The following RALY variants were observed in gnomAD, a reference collection of about 807,000 sequenced individuals.
RALY encodes RALY heterogeneous nuclear ribonucleoprotein.
RALY carries 15 observed loss-of-function variants against 30.7 expected under a neutral mutation model. That is an observed-to-expected ratio of 0.49 (90% CI 0.33 to 0.75). The LOEUF (loss-of-function observed/expected upper bound fraction) is 0.75. Among genes scored for constraint, RALY ranks in the 30% least tolerant of loss-of-function variants. The pLI is 0.02. For missense variants in RALY, 339 were observed against 414.3 expected (o/e 0.82, Z 1.58); for synonymous variants, 177 against 170.8 (o/e 1.04, Z -0.28).
In RALY at chr20:34,081,618, C is replaced by T. The variant is rs2034031503; in HGVS notation, c.*1713C>T. On this transcript the variant is annotated 3_prime_UTR_variant, in exon 10 of 10. Coordinates refer to ENST00000246194, the MANE Select transcript of RALY (RefSeq NM_016732.3). ...AGGGAAGCTTCCTCCTGGGCTTTGG[C>T]TCCATGTTTTGGTAGAGGGTGGAGG... 6.6e-6 allele frequency: 1 copy of T among 152,266 alleles called. No homozygotes were observed. Among genetic ancestry groups the T allele is most frequent in the Non-Finnish European group, 1.5e-5 (1 of 68,084 alleles). 9.4% of individuals were successfully genotyped at this position (152,266 alleles called of 1,614,324 possible).
chr20:34,048,174 A>G (rs1322942245), intron 2 of RALY, among the ~76,000 whole-genome samples: 1 of 152,180 alleles, frequency 6.6e-6, no homozygotes, highest in Non-Finnish European at 1.5e-5. Flanking sequence ...GAAGGAAAAG[A>G]TTCATTAGGC....
At position 34,025,908 on chromosome 20, in the gene RALY, T is replaced by G. The variant is rs1309185061; in HGVS notation, c.-92-5614T>G. 2.1e-5 allele frequency among the ~76,000 whole-genome samples: 3 copies of G among 142,978 alleles called. No individual in the cohort carries two copies. The East Asian group carries it at 5.9e-4, about 28-fold the overall frequency. The allele number at this position is 142,978 out of a possible 152,430, so 93.8% of individuals were successfully genotyped here. On this transcript the variant is annotated intron_variant, in intron 1 of 9. Coordinates refer to ENST00000246194, the MANE Select transcript of RALY (RefSeq NM_016732.3). ...CAGTAGATTCCTGGTTGTTTTTTTT[T>G]TTTTTTTTTTTTTGTGGGGGGTGGG...
intron 1 of RALY, chr20:34,015,137 T>C (rs2031554516): frequency 6.6e-6 from 1 of 152,064 alleles, no homozygotes; most frequent in Non-Finnish European, 1.5e-5. Context: ...GGAGTAAAAG[T>C]AATGAGGAAG....
intron 1 of RALY, among the ~76,000 whole-genome samples, chr20:34,000,404 C>T (rs927150684): frequency 2.0e-5 from 3 of 152,086 alleles, no homozygotes; most frequent in Admixed American, 6.5e-5. Flanking sequence ...GGTTGGAGGT[C>T]CCTGTCTCTC....
intron 1 of RALY, among the ~76,000 whole-genome samples, chr20:34,008,485 A>C (rs887395846): frequency 6.6e-6 from 1 of 152,234 alleles, no homozygotes. Flanking sequence ...TATTCCATTT[A>C]GGGGAACCAA....
chr20:33,997,758 A>C (rs1479341387), intron 1 of RALY, among the ~76,000 whole-genome samples: 12 of 152,110 alleles, frequency 7.9e-5, no homozygotes, highest in Admixed American at 7.9e-4. Context: ...GTGTTGGTCC[A>C]TTTAGGGGAG....
intron 1 of RALY, among the ~76,000 whole-genome samples, chr20:34,004,949 A>T (rs2031092960): frequency 6.6e-6 from 1 of 152,212 alleles, no homozygotes. Context: ...GGTTGGCATG[A>T]ACATTGATCA....
At position 34,048,799 on chromosome 20, in the gene RALY, T is replaced by C. The variant is rs6059648; in HGVS notation, c.-10+17195T>C. ...TGAACCCTGGAGGCAGAGCTTGCAG[T>C]GAGCCGAGATCGCACCACTGCACTC... is the stretch of plus-strand genomic sequence containing the variant. On this transcript the variant is annotated intron_variant, in intron 2 of 9. Transcript: ENST00000246194. Among the ~76,000 whole-genome samples the C allele has an allele frequency of 7.4e-3, 1,032 of 139,134 alleles. 12 individuals are homozygous for C. The highest frequency in any genetic ancestry group is 0.025 in the African/African-American group (931 of 37,444). The allele number at this position is 139,134 out of a possible 152,430, so 91.3% of individuals were successfully genotyped here.
intron 1 of RALY, among the ~76,000 whole-genome samples, chr20:34,012,424 C>T (rs2123021061): frequency 6.8e-6 from 1 of 147,078 alleles, no homozygotes; most frequent in African/African-American, 2.5e-5. Context: ...AGATCTATCC[C>T]TCGTTGTGCC....
At chr20:34,037,141 A>G (rs541214590) in intron 2 of RALY, among the ~76,000 whole-genome samples, 3 of 152,188 alleles carry the variant, frequency 2.0e-5, no homozygotes. Context: ...AGAAGTATCA[A>G]ACTTCAGAGG....
intron 2 of RALY, among the ~76,000 whole-genome samples, chr20:34,054,331 G>A (rs908236656): frequency 6.6e-6 from 1 of 152,214 alleles, no homozygotes; most frequent in African/African-American, 2.4e-5. Context: ...TTAATGGAGG[G>A]AGACAGATGT....
chr20:34,052,890 C>T (rs955583758), intron 2 of RALY, among the ~76,000 whole-genome samples: 4 of 152,166 alleles, frequency 2.6e-5, no homozygotes, highest in Admixed American at 6.5e-5. Flanking sequence ...GCTCCTCTGT[C>T]ACCGTCTCCA....
intron 2 of RALY, among the ~76,000 whole-genome samples, chr20:34,059,755 A>C (rs2033360641): frequency 6.6e-6 from 1 of 152,228 alleles, no homozygotes; most frequent in Non-Finnish European, 1.5e-5. Context: ...CTACCACGGC[A>C]CAGCCTTCTG....
At chr20:34,076,985 A>G (rs1475278684) in intron 7 of RALY, 43 bp from the exon 8 acceptor site, 1 of 1,609,954 alleles carries the variant, frequency 6.2e-7, no homozygotes, top group African/African-American at 1.3e-5. Context: ...CAGCTACCCC[A>G]GGCTGAGTTT....
intron 1 of RALY, among the ~76,000 whole-genome samples, chr20:34,027,072 T>TAC (rs2032071715): frequency 6.6e-6 from 1 of 152,154 alleles, no homozygotes; most frequent in Non-Finnish European, 1.5e-5. Flanking sequence ...GTCACAATCT[T>TAC]ACGGAGAAGA....
intron 1 of RALY, among the ~76,000 whole-genome samples, chr20:34,005,462 T>C (rs1444951359): frequency 6.6e-6 from 1 of 151,826 alleles, no homozygotes; most frequent in Non-Finnish European, 1.5e-5. Flanking sequence ...TGAGCCAAGA[T>C]CGTGCCACTG....
intron 6 of RALY, 51 bp from the exon 7 acceptor site, chr20:34,076,651 G>A (rs2033886209): frequency 6.7e-7 from 1 of 1,502,770 alleles, no homozygotes; most frequent in Non-Finnish European, 9.2e-7. Flanking sequence ...TTGTGCTAGT[G>A]TCAAGCCTCC....
Position 34,077,219 on chromosome 20 carries a change from C to T in RALY, c.850C>T (p.Leu284Phe). 6.2e-7 allele frequency: 1 copy of T among 1,613,824 alleles called. No homozygotes were observed. Among genetic ancestry groups the T allele is most frequent in the South Asian group, 1.1e-5 (1 of 91,074 alleles). ...RTRDDGDEEG[L>F]LTHSEEELEH... is the part of the protein sequence containing the mutation. ...CCGAGACGACGGCGATGAGGAAGGG[C>T]TCCTGACACACAGCGAGGAAGAGCT... The change falls in exon 8 of 10, where the codon CTC (leucine) becomes TTC (phenylalanine). Residue 284 changes from leucine to phenylalanine, a missense_variant. Leu to Phe is a conservative substitution (Grantham distance 22, BLOSUM62 0). Transcript: ENST00000246194.
chr20:34,024,784 A>G (rs917368344), intron 1 of RALY, among the ~76,000 whole-genome samples: 7 of 152,170 alleles, frequency 4.6e-5, no homozygotes, highest in South Asian at 2.1e-4. Flanking sequence ...TTACCCCCAC[A>G]GCAACACAGC....
Sources: gnomAD v4.1 joint callset for allele counts (sites outside exome capture counted in the v4.1 genomes callset) on GRCh38, gnomAD v4.1.1 for gene constraint, MANE v1.5 for transcripts, NCBI Gene and HGNC (gene_info 2026-07-23, HGNC 2026-07-21) for gene names.